Variants in FAF1 observed in about 807,000 individuals in gnomAD.
The protein encoded by FAF1 is FAS-associated factor 1.
A neutral mutation model predicts 92.5 loss-of-function variants in FAF1; 25 were observed. The observed-to-expected ratio is 0.27, with a 90% CI of 0.20 to 0.38. FAF1 has a LOEUF of 0.38. Among genes scored for constraint, FAF1 ranks in the 10% least tolerant of loss-of-function variants. The pLI is 1.00. For synonymous variants in FAF1, 234 were observed against 273.2 expected (o/e 0.86, Z 1.42); for missense variants, 636 against 793.3 (o/e 0.80, Z 2.38).
chr1:50,861,656 A>T (rs1301715279), intron 1 of FAF1, among the ~76,000 whole-genome samples: 1 of 151,834 alleles, frequency 6.6e-6, no homozygotes, highest in South Asian at 2.1e-4. Flanking sequence ...CCACTATACA[A>T]TATATCCATG....
chr1:50,487,204 T>C (rs548497176), intron 17 of FAF1, among the ~76,000 whole-genome samples: 1 of 152,238 alleles, frequency 6.6e-6, no homozygotes, highest in East Asian at 1.9e-4. Context: ...TGCTAGAAAA[T>C]GTGGAAAAAT....
In FAF1 at chr1:50,689,347, G is replaced by A. The variant is rs536139058; in HGVS notation, c.657+16439C>T. ...CGCCTGTAATCCCAGCACTTTCAGAGGCCGAGGCGGGTGGATCACGAGGTC... is the reference window on the plus strand; with the variant it reads ...CGCCTGTAATCCCAGCACTTTCAGAAGCCGAGGCGGGTGGATCACGAGGTC... On this transcript the variant is annotated intron_variant, in intron 7 of 18. Transcript: ENST00000396153. Among the ~76,000 whole-genome samples the A allele has an allele frequency of 7.2e-5, 11 of 152,300 alleles. No individual in the cohort carries two copies. The East Asian group carries it at 1.7e-3, about 24-fold the overall frequency.
intron 6 of FAF1, among the ~76,000 whole-genome samples, chr1:50,711,961 T>C (rs1657952464): frequency 6.6e-6 from 1 of 152,224 alleles, no homozygotes; most frequent in Non-Finnish European, 1.5e-5. Flanking sequence ...AAGAGATTCA[T>C]ATCATTATGA....
Position 50,882,714 on chromosome 1 carries a change from G to A in FAF1, c.46-24717C>T, listed in dbSNP as rs960320299. ...AAATACTAGGTTAATGGCTGGGTGC[G>A]GTGGCTCACACCTGTAATCCCAGCA... On this transcript the variant is annotated intron_variant, in intron 1 of 18. Transcript: ENST00000396153. Among the ~76,000 whole-genome samples the A allele has an allele frequency of 7.6e-5, 11 of 144,752 alleles. No individual in the cohort carries two copies. The East Asian group carries it at 1.1e-3, about 14-fold the overall frequency. 95.0% of individuals were successfully genotyped at this position (144,752 alleles called of 152,430 possible).
chr1:50,780,760 C>T (rs1025255344), intron 4 of FAF1: 12 of 300,750 alleles, frequency 4.0e-5, no homozygotes, highest in African/African-American at 2.4e-4. Context: ...CAAATCACCC[C>T]GAGGGAGCTG....
chr1:50,924,470 A>T (rs1644988691), intron 1 of FAF1, among the ~76,000 whole-genome samples: 1 of 152,224 alleles, frequency 6.6e-6, no homozygotes, highest in Non-Finnish European at 1.5e-5. Context: ...TAATATTGTT[A>T]AAATGACCAT....
chr1:50,534,040 C>G (rs1648331401), intron 15 of FAF1, among the ~76,000 whole-genome samples: 1 of 152,166 alleles, frequency 6.6e-6, no homozygotes. Flanking sequence ...GTTCTCTACA[C>G]AGCTTTTTGC....
At chr1:50,761,082 A>G (rs1471725133) in intron 4 of FAF1, among the ~76,000 whole-genome samples, 1 of 152,216 alleles carries the variant, frequency 6.6e-6, no homozygotes, top group East Asian at 1.9e-4. Context: ...AAACTAGAAA[A>G]TCTAGAAGAA....
intron 15 of FAF1, among the ~76,000 whole-genome samples, chr1:50,492,948 G>A (rs1487862519): frequency 6.6e-6 from 1 of 151,846 alleles, no homozygotes; most frequent in African/African-American, 2.4e-5. Context: ...CTGGCCTGAA[G>A]GTAATTGTTA....
chr1:50,945,620 C>T (rs1645167511), intron 1 of FAF1, among the ~76,000 whole-genome samples: 2 of 152,218 alleles, frequency 1.3e-5, no homozygotes, highest in Non-Finnish European at 1.5e-5. Context: ...CATCAGAAGA[C>T]AGGCCCTTAC....
intron 7 of FAF1, among the ~76,000 whole-genome samples, chr1:50,686,644 C>T (rs902728765): frequency 1.3e-5 from 2 of 151,280 alleles, no homozygotes; most frequent in Non-Finnish European, 2.9e-5. Flanking sequence ...CGGAGGAACA[C>T]GTATAAACTA....
intron 13 of FAF1, among the ~76,000 whole-genome samples, chr1:50,566,029 CTTTA>C (rs1031707327): frequency 1.3e-5 from 2 of 152,000 alleles, no homozygotes; most frequent in African/African-American, 2.4e-5. Context: ...GCTAAAGATT[CTTTA>C]TTTATGTATA....
At chr1:50,830,039 T>C (rs574518798) in intron 2 of FAF1, among the ~76,000 whole-genome samples, 1 of 152,354 alleles carries the variant, frequency 6.6e-6, no homozygotes, top group Non-Finnish European at 1.5e-5. Flanking sequence ...CAGAGACATC[T>C]AGATTAACAC....
intron 2 of FAF1, among the ~76,000 whole-genome samples, chr1:50,827,268 A>C (rs1201910993): frequency 6.6e-6 from 1 of 152,234 alleles, no homozygotes; most frequent in East Asian, 1.9e-4. Context: ...AGGAGACTCC[A>C]TTTTGTTCTG....
intron 6 of FAF1, among the ~76,000 whole-genome samples, chr1:50,723,368 C>G (rs948034317): frequency 4.6e-5 from 7 of 151,220 alleles, no homozygotes; most frequent in African/African-American, 1.7e-4. Context: ...CCACTGCACT[C>G]CAGCCTGTGC....
chr1:50,925,978 G>A (rs1209008762), intron 1 of FAF1, among the ~76,000 whole-genome samples: 1 of 152,206 alleles, frequency 6.6e-6, no homozygotes, highest in Non-Finnish European at 1.5e-5. Flanking sequence ...TGATTTGGGA[G>A]GCTGAGGCAG....
intron 2 of FAF1, chr1:50,846,456 C>A (rs1285063724): frequency 2.2e-6 from 1 of 452,600 alleles, no homozygotes. Flanking sequence ...CCGCACGCAT[C>A]GAGCCTCCAG....
chr1:50,475,461 T>TA lies in FAF1; in HGVS notation c.1869+2dup, dbSNP rs1474522387. On this transcript the variant is annotated splice_region_variant and intron_variant, in intron 18 of 18. Coordinates refer to ENST00000396153, the MANE Select transcript of FAF1 (RefSeq NM_007051.3). ...ACTTCCTGAGATAGGTATGGGAACT[T>TA]ACGTCTCTCCTAGGAAAGGTGCTCA... 1 of 1,608,014 alleles carries TA rather than the reference T, an allele frequency of 6.2e-7. No homozygotes were observed.
chr1:50,644,311 AC>A (rs1164086295), intron 8 of FAF1, among the ~76,000 whole-genome samples: 4 of 152,212 alleles, frequency 2.6e-5, no homozygotes, highest in Non-Finnish European at 5.9e-5. Flanking sequence ...AGGTGTCTCT[AC>A]AATGTGTAGT....
Sources: gnomAD v4.1 joint callset for allele counts (sites outside exome capture counted in the v4.1 genomes callset) on GRCh38, gnomAD v4.1.1 for gene constraint, MANE v1.5 for transcripts, NCBI Gene and HGNC (gene_info 2026-07-23, HGNC 2026-07-21) for gene names.